Variants in DNM1L observed in about 807,000 individuals in gnomAD.
DNM1L encodes the protein dynamin-1-like protein.
DNM1L carries 33 observed loss-of-function variants against 92.8 expected under a neutral mutation model. That is an observed-to-expected ratio of 0.36 (90% CI 0.27 to 0.48). DNM1L has a LOEUF of 0.48. Ranked by LOEUF, DNM1L falls within the 20% of genes least tolerant of loss-of-function variation. DNM1L has a pLI of 0.99. For synonymous variants in DNM1L, 284 were observed against 305.0 expected, an observed-to-expected ratio of 0.93 and a Z score of 0.72; for missense variants, 485 against 888.8, an observed-to-expected ratio of 0.55 and a Z score of 5.78.
chr12:32,717,597 A>T (rs1187728587), intron 6 of DNM1L, among the ~76,000 whole-genome samples: 2 of 113,696 alleles, frequency 1.8e-5, no homozygotes, highest in South Asian at 2.4e-4. Flanking sequence ...TATATATATA[A>T]AAAATACATA....
chr12:32,686,536 A>T (rs1044011870), intron 1 of DNM1L, among the ~76,000 whole-genome samples: 9 of 152,208 alleles, frequency 5.9e-5, no homozygotes, highest in Non-Finnish European at 1.0e-4. Flanking sequence ...TGGTTTATTC[A>T]ATCACCTATT....
chr12:32,685,250 T>C lies in DNM1L; in HGVS notation c.102+5785T>C, dbSNP rs568096645. 1.4e-4 allele frequency among the ~76,000 whole-genome samples: 21 copies of C among 152,018 alleles called. No homozygotes were observed. The South Asian group carries it at 4.4e-3, about 32-fold the overall frequency. On this transcript the variant is annotated intron_variant, in intron 1 of 19. Coordinates refer to ENST00000549701, the MANE Select transcript of DNM1L (RefSeq NM_012062.5). ...CCGCGCCCGGTCAGTGAATGTGTAT[T>C]TTTGATTCTCTTGGGTATATATCTA... is the stretch of plus-strand genomic sequence containing the variant.
In DNM1L at chr12:32,679,385, A is replaced by C. The variant is rs1471152339; in HGVS notation, c.22A>C (p.Ile8Leu). Residue 8 changes from isoleucine (I) to leucine (L), a missense_variant, in exon 1 of 20, where the codon ATA (isoleucine) becomes CTA (leucine). Ile to Leu is a conservative substitution (Grantham distance 5, BLOSUM62 2). Around this residue, in one of 11 missense-constraint regions of DNM1L, gnomAD observed 19 missense variants for 16.1 expected, o/e 1.18. Coordinates refer to ENST00000549701, the MANE Select transcript of DNM1L (RefSeq NM_012062.5). ...AGTCATGGAGGCGCTAATTCCTGTC[A>C]TAAACAAGCTCCAGGACGTCTTCAA... MEALIPV[I>L]NKLQDVFNTV... 3 of 1,613,710 alleles carry C rather than the reference A, an allele frequency of 1.9e-6. No individual in the cohort carries two copies. In the African/African-American group the frequency reaches 4.0e-5, roughly 22 times the overall value.
chr12:32,694,485 T>C (rs1297522504), intron 1 of DNM1L, among the ~76,000 whole-genome samples: 1 of 152,238 alleles, frequency 6.6e-6, no homozygotes, highest in Non-Finnish European at 1.5e-5. Flanking sequence ...TCATCCATGT[T>C]GGAGCGTGCA....
At chr12:32,708,682 A>T (rs898006095) in intron 4 of DNM1L, among the ~76,000 whole-genome samples, 5 of 151,266 alleles carry the variant, frequency 3.3e-5, no homozygotes, top group South Asian at 2.1e-4. Context: ...CAAATTGGGA[A>T]TTTTTTTTTC....
intron 9 of DNM1L, among the ~76,000 whole-genome samples, chr12:32,729,838 G>A (rs1247199943): frequency 6.6e-6 from 1 of 152,044 alleles, no homozygotes; most frequent in Non-Finnish European, 1.5e-5. Flanking sequence ...GTCCTTTTGT[G>A]CTTGGCTTAC....
At chr12:32,706,865 T>G (rs1027407885) in intron 2 of DNM1L, 4 of 341,002 alleles carry the variant, frequency 1.2e-5, no homozygotes, top group Admixed American at 4.1e-5. Context: ...ATTAGCTGTT[T>G]CATTGACACA....
Position 32,737,167 on chromosome 12 carries a change from A to C in DNM1L, c.1596+6A>C. On this transcript the variant is annotated splice_donor_region_variant and intron_variant, in intron 14 of 19. Coordinates refer to ENST00000549701, the MANE Select transcript of DNM1L (RefSeq NM_012062.5). ...CAGCTGTATCACGAGACAAGGTAAAAAAATGTTTTTAATGCATATTCCCAA... is the reference window on the plus strand; with the variant it reads ...CAGCTGTATCACGAGACAAGGTAAACAAATGTTTTTAATGCATATTCCCAA... The C allele has an allele frequency of 6.2e-7, 1 of 1,613,680 alleles. No individual in the cohort carries two copies. Among genetic ancestry groups the C allele is most frequent in the Non-Finnish European group, 8.5e-7 (1 of 1,179,824 alleles).
chr12:32,731,798 T>C lies in DNM1L; in HGVS notation c.1357-56T>C. On this transcript the variant is annotated intron_variant, in intron 11 of 19. Transcript: ENST00000549701. The surrounding 1 kb of genome is among the most constrained non-coding windows in gnomAD (Gnocchi z 5.1). ...GTGGGAGGATGGCTTAGTGAGACTA[T>C]GACTTAAAAAAAAAACAAAAAACAA... 3.1e-6 allele frequency: 4 copies of C among 1,306,900 alleles called. No homozygotes were observed. The highest frequency in any genetic ancestry group is 4.7e-5 in the East Asian group (2 of 42,816). The allele number at this position is 1,306,900 out of a possible 1,614,324, so 81.0% of individuals were successfully genotyped here. A position where few individuals can be genotyped will look rare whatever the true frequency, so the allele number is the denominator to read the frequency against.
chr12:32,703,614 C>CAA (rs61051514), intron 2 of DNM1L, among the ~76,000 whole-genome samples: 1,351 of 86,880 alleles, frequency 0.016, 24 homozygotes, highest in East Asian at 0.06. Flanking sequence ...CATAAACTTT[C>CAA]AAAAAAAAAA....
chr12:32,680,824 A>T (rs1052872911), intron 1 of DNM1L, among the ~76,000 whole-genome samples: 1 of 152,206 alleles, frequency 6.6e-6, no homozygotes, highest in Non-Finnish European at 1.5e-5. Flanking sequence ...TTTATCATCA[A>T]AACTAACCTG....
chr12:32,684,254 C>T (rs1196263013), intron 1 of DNM1L, among the ~76,000 whole-genome samples: 1 of 152,138 alleles, frequency 6.6e-6, no homozygotes, highest in East Asian at 1.9e-4. Flanking sequence ...GAGGGTCCAT[C>T]GGTGACTCTG....
At chr12:32,711,060 C>A in intron 5 of DNM1L, 45 bp downstream of exon 5, 1 of 1,481,046 alleles carries the variant, frequency 6.8e-7, no homozygotes, top group Non-Finnish European at 9.4e-7. Context: ...GTTTTCACTT[C>A]GTTGACATCC....
chr12:32,737,728 C>T, intron 14 of DNM1L, 137 bp from the exon 15 acceptor site: 2 of 724,196 alleles, frequency 2.8e-6, no homozygotes, highest in Non-Finnish European at 4.9e-6. Context: ...GCAGAATAAA[C>T]AATCTCCCAT....
chr12:32,711,918 A>G (rs1953140360), intron 5 of DNM1L, among the ~76,000 whole-genome samples: 1 of 152,012 alleles, frequency 6.6e-6, no homozygotes, highest in Non-Finnish European at 1.5e-5. Flanking sequence ...CATTCTACCA[A>G]TTGCTTAGCC....
intron 1 of DNM1L, among the ~76,000 whole-genome samples, chr12:32,694,738 A>G (rs1952372582): frequency 6.6e-6 from 1 of 152,190 alleles, no homozygotes; most frequent in South Asian, 2.1e-4. Context: ...TTTCTCTACA[A>G]ACGCTCAAAT....
Position 32,726,351 on chromosome 12 carries a change from G to A in DNM1L, c.1079+3718G>A, listed in dbSNP as rs192602559. 1.1e-4 allele frequency: 171 copies of A among 1,562,296 alleles called. No individual in the cohort carries two copies. In the East Asian group the frequency reaches 3.4e-3, roughly 31 times the overall value. Reference sequence around the variant, plus strand: ...TTGTGTTTAGGCTAGGACAGTGCAGGTTATCCTCAAGGCCACATATATCCT... The same window carrying A: ...TTGTGTTTAGGCTAGGACAGTGCAGATTATCCTCAAGGCCACATATATCCT... On this transcript the variant is annotated intron_variant, in intron 9 of 19. Transcript: ENST00000549701.
At position 32,743,516 on chromosome 12, in the gene DNM1L, T is replaced by G. The variant is rs747173020; in HGVS notation, c.*106T>G. 1.8e-6 allele frequency: 2 copies of G among 1,087,612 alleles called. No homozygotes were observed. Among genetic ancestry groups the G allele is most frequent in the Non-Finnish European group, 2.8e-6 (2 of 719,896 alleles). 67.4% of individuals were successfully genotyped at this position (1,087,612 alleles called of 1,614,324 possible). On this transcript the variant is annotated 3_prime_UTR_variant, in exon 20 of 20. Transcript: ENST00000549701. Reference sequence around the variant, plus strand: ...CTCCTGTGTATTGCAATGGTATGAATCTGCTCATGTGGAGACTGGCTATAA... The same window carrying G: ...CTCCTGTGTATTGCAATGGTATGAAGCTGCTCATGTGGAGACTGGCTATAA...
chr12:32,740,024 A>AT (rs751422376), intron 16 of DNM1L, 40 bp from the exon 17 acceptor site: 1 of 1,604,150 alleles, frequency 6.2e-7, no homozygotes, highest in Non-Finnish European at 8.5e-7. Context: ...TTAAGGTCAG[A>AT]TATGATGTGG....
Sources: allele counts gnomAD v4.1 joint callset (sites outside exome capture counted in the v4.1 genomes callset), GRCh38; gene constraint gnomAD v4.1.1; regional missense constraint gnomAD v4.1.1; non-coding constraint Gnocchi (gnomAD v3.1); transcripts MANE v1.5; gene names NCBI Gene and HGNC (gene_info 2026-07-23, HGNC 2026-07-21).